UGP2: variants seen among roughly 807,000 people sequenced by gnomAD.
UGP2 encodes UDP-glucose pyrophosphorylase 2, also known as UTP--glucose-1-phosphate uridylyltransferase.
UGP2 carries 40 observed loss-of-function variants against 49.0 expected under a neutral mutation model. The observed-to-expected ratio is 0.82, with a 90% CI of 0.63 to 1.06. The LOEUF is 1.06. Among genes scored for constraint, UGP2 ranks in the 50% least tolerant of loss-of-function variants. UGP2 has a pLI of 0.00. For missense variants in UGP2, 460 were observed against 603.5 expected (o/e 0.76, Z 2.49); for synonymous variants, 225 against 213.0 (o/e 1.06, Z -0.49).
In UGP2 at chr2:63,855,520, GTTTTTT is replaced by G. The variant is rs372160888; in HGVS notation, c.20-770_20-765del. ...TTGGGTCTGGGGTGTTTCTTTTTCTGTTTTTTTTTTTTTTTTTTTTTCTCTTTTCTT... is the reference window on the plus strand; with the variant it reads ...TTGGGTCTGGGGTGTTTCTTTTTCTGTTTTTTTTTTTTTTTCTCTTTTCTT... On this transcript the variant is annotated intron_variant, in intron 1 of 9. Transcript: ENST00000337130. The G allele has an allele frequency of 1.2e-3, 236 of 194,212 alleles. 1 individual carries two copies. Among genetic ancestry groups the G allele is most frequent in the South Asian group, 6.4e-3 (156 of 24,448 alleles). The allele number at this position is 194,212 out of a possible 1,614,324, so 12.0% of individuals were successfully genotyped here.
chr2:63,847,717 A>G (rs1668740931), intron 1 of UGP2, among the ~76,000 whole-genome samples: 1 of 152,196 alleles, frequency 6.6e-6, no homozygotes, highest in African/African-American at 2.4e-5. Flanking sequence ...CAGGAAAAGG[A>G]CTTTCACAAG....
chr2:63,891,161 T>C lies in UGP2; in HGVS notation c.1461T>C (p.Asp487=). The change falls in exon 10 of 10, where the codon GAT becomes GAC. Residue 487 remains aspartate (D), a synonymous_variant. Coordinates refer to ENST00000337130, the MANE Select transcript of UGP2 (RefSeq NM_006759.4). ...TTGCAAATCATGGTGACAGAATTGA[T>C]ATCCCACCTGGAGCAGTATTAGAGA... ...IIIANHGDRI[D]IPPGAVLENK... The C allele has an allele frequency of 6.2e-7, 1 of 1,613,828 alleles. No homozygotes were observed. Among genetic ancestry groups the C allele is most frequent in the Non-Finnish European group, 8.5e-7 (1 of 1,179,856 alleles).
intron 8 of UGP2, 95 bp from the exon 9 acceptor site, chr2:63,889,986 T>TAG: frequency 2.1e-6 from 2 of 942,902 alleles, no homozygotes. Flanking sequence ...CCAAAAAAGG[T>TAG]TTCTACAGTT....
rs1470050259 is a variant in UGP2 at position 63,856,341 on chromosome 2, C to T, written c.55C>T (p.Gln19Ter). Residue 19 changes from glutamine (Q) to a stop codon, truncating the protein, a stop_gained, in exon 2 of 10, where the codon CAG becomes TAG. Transcript: ENST00000337130. LOFTEE classifies it high-confidence loss of function. ...AGCAATGTCTCAAGATGGTGCTTCT[C>T]AGTTCCAAGAAGTCATTCGGCAAGA... is the stretch of plus-strand genomic sequence containing the variant. ...SKAMSQDGAS[Q>*]FQEVIRQELE... The T allele has an allele frequency of 1.9e-6, 3 of 1,613,818 alleles. No individual in the cohort carries two copies. The highest frequency in any genetic ancestry group is 1.3e-5 in the African/African-American group (1 of 74,900).
chr2:63,877,274 G>A (rs1455371882), intron 3 of UGP2, among the ~76,000 whole-genome samples: 2 of 152,218 alleles, frequency 1.3e-5, no homozygotes, highest in Non-Finnish European at 2.9e-5. Context: ...AGTATTGAAT[G>A]TGCTGATTAT....
chr2:63,848,775 T>C (rs1049484042), intron 1 of UGP2, among the ~76,000 whole-genome samples: 1 of 152,280 alleles, frequency 6.6e-6, no homozygotes, highest in African/African-American at 2.4e-5. Flanking sequence ...TGTGTGTTTT[T>C]TGATTGGGTG....
At chr2:63,846,042 C>A (rs903621447) in intron 1 of UGP2, 11 of 152,194 alleles carry the variant, frequency 7.2e-5, no homozygotes, top group African/African-American at 2.7e-4. Flanking sequence ...TTAGGAAGAC[C>A]TTTCTTTACT....
At chr2:63,842,334 G>C in intron 1 of UGP2, 130 bp downstream of exon 1, 1 of 1,604,370 alleles carries the variant, frequency 6.2e-7, no homozygotes, top group Non-Finnish European at 8.5e-7. Context: ...CCTTTTCGTT[G>C]AATTGTCATC....
At chr2:63,849,694 A>G (rs543994784) in intron 1 of UGP2, among the ~76,000 whole-genome samples, 1 of 152,240 alleles carries the variant, frequency 6.6e-6, no homozygotes, top group Admixed American at 6.5e-5. Context: ...GTGGTAAACC[A>G]TGTAAATACA....
intron 1 of UGP2, chr2:63,842,710 C>T (rs1671653844): frequency 9.5e-7 from 1 of 1,055,338 alleles, no homozygotes; most frequent in Non-Finnish European, 1.3e-6. Context: ...GGGAGTAGCC[C>T]GAAGAAGCTG....
chr2:63,848,434 GC>G (rs1398842085), intron 1 of UGP2, among the ~76,000 whole-genome samples: 1 of 152,166 alleles, frequency 6.6e-6, no homozygotes, highest in South Asian at 2.1e-4. Flanking sequence ...TGCGATCTTG[GC>G]TCACCACAAC....
chr2:63,858,070 C>A, intron 3 of UGP2, 134 bp downstream of exon 3: 1 of 760,282 alleles, frequency 1.3e-6, no homozygotes, highest in Non-Finnish European at 2.1e-6. Context: ...ATTCTCTGAC[C>A]CCTCATCCTG....
chr2:63,868,210 A>G (rs1670304430), intron 3 of UGP2, among the ~76,000 whole-genome samples: 1 of 152,180 alleles, frequency 6.6e-6, no homozygotes, highest in African/African-American at 2.4e-5. Context: ...GGAGATGTTT[A>G]AAGAGTTGGT....
rs116379898 is a variant in UGP2, at chr2:63,851,844, C to T, written c.20-4462C>T. On this transcript the variant is annotated intron_variant, in intron 1 of 9. Transcript: ENST00000337130. Reference sequence around the variant, plus strand: ...AAAAGCTTATCAGACCTTCCTTCTGCTGTGCTATCTTTGACATATCTGCCT... The same window carrying T: ...AAAAGCTTATCAGACCTTCCTTCTGTTGTGCTATCTTTGACATATCTGCCT... 2.6e-3 allele frequency among the ~76,000 whole-genome samples: 391 copies of T among 152,320 alleles called. 2 individuals are homozygous for T. Among genetic ancestry groups the T allele is most frequent in the African/African-American group, 9.0e-3 (375 of 41,574 alleles).
At chr2:63,877,991 C>G (rs1270741277) in intron 3 of UGP2, among the ~76,000 whole-genome samples, 1 of 90,138 alleles carries the variant, frequency 1.1e-5, no homozygotes, top group Non-Finnish European at 1.9e-5. Flanking sequence ...CAGAGCGAGA[C>G]TCCGTCTCAA....
intron 3 of UGP2, among the ~76,000 whole-genome samples, chr2:63,862,434 C>G (rs1669913173): frequency 6.6e-6 from 1 of 152,092 alleles, no homozygotes; most frequent in Admixed American, 6.5e-5. Context: ...TCGGGATTAC[C>G]TTCCTTCACA....
intron 3 of UGP2, among the ~76,000 whole-genome samples, chr2:63,858,322 C>G (rs985411585): frequency 1.3e-5 from 2 of 152,138 alleles, no homozygotes; most frequent in Non-Finnish European, 2.9e-5. Flanking sequence ...CCTTAAAGCT[C>G]TCTTCTTGTA....
chr2:63,858,087 T>C (rs1000997598), intron 3 of UGP2, 151 bp downstream of exon 3: 8 of 670,606 alleles, frequency 1.2e-5, no homozygotes, highest in South Asian at 9.5e-5. Flanking sequence ...CCTGAAACTA[T>C]GGAGACAGCC....
intron 3 of UGP2, 174 bp downstream of exon 3, chr2:63,858,110 C>T: frequency 1.7e-6 from 1 of 600,970 alleles, no homozygotes. Context: ...CAGCTCCTTT[C>T]CCTTCTTTTA....
Sources: gnomAD v4.1 joint callset for allele counts (sites outside exome capture counted in the v4.1 genomes callset) on GRCh38, gnomAD v4.1.1 for gene constraint, MANE v1.5 for transcripts, NCBI Gene and HGNC (gene_info 2026-07-23, HGNC 2026-07-21) for gene names.